TSC22D2: variants seen among roughly 807,000 people sequenced by gnomAD.
TSC22D2 encodes the protein TSC22 domain family member 2.
TSC22D2 carries 5 observed loss-of-function variants against 50.1 expected under a neutral mutation model. The observed-to-expected ratio is 0.10, with a 90% confidence interval of 0.05 to 0.21. TSC22D2 has a LOEUF of 0.21. TSC22D2 is among the 10% of genes least tolerant of loss of function. The probability of loss-of-function intolerance (pLI) is 1.00; values close to 1 mark genes in which losing one functional copy is unlikely to be tolerated. For missense variants in TSC22D2, 1,003 were observed against 1,015.5 expected (o/e 0.99, Z 0.17); for synonymous variants, 501 against 450.1 (o/e 1.11, Z -1.43).
intron 1 of TSC22D2, 95 bp downstream of exon 1, chr3:150,411,403 C>CTAA (rs775199057): frequency 1.2e-5 from 16 of 1,322,414 alleles, no homozygotes; most frequent in Non-Finnish European, 1.6e-5. Flanking sequence ...AACGGAGGCC[C>CTAA]TTAGCATTTT....
rs1719446815 is a variant in TSC22D2 at position 150,409,862 on chromosome 3, G to A, written c.512G>A (p.Ser171Asn). The A allele has an allele frequency of 6.2e-7, 1 of 1,611,040 alleles. No homozygotes were observed. Among genetic ancestry groups the A allele is most frequent in the East Asian group, 2.2e-5 (1 of 44,870 alleles). Residue 171 changes from serine to asparagine, a missense_variant, in exon 1 of 3, where the codon AGC (serine) becomes AAC (asparagine). By Grantham distance (46) the Ser-to-Asn change is conservative. Transcript: ENST00000688009. This position sits in a 1 kb window ranked among gnomAD's most constrained non-coding sequence, Gnocchi z 7.4. Reference sequence around the variant, plus strand: ...CGCGTGATCAAGCTGGACCACGGGAGCGGAGAGCCCTATAGACGCGGCCGA... The same window carrying A: ...CGCGTGATCAAGCTGGACCACGGGAACGGAGAGCCCTATAGACGCGGCCGA... The part of the protein sequence containing the change: ...RFRVIKLDHG[S>N]GEPYRRGRWT...
intron 1 of TSC22D2, chr3:150,422,978 C>A: frequency 8.8e-7 from 1 of 1,132,258 alleles, no homozygotes; most frequent in Non-Finnish European, 1.3e-6. Flanking sequence ...AATCTTCCAT[C>A]TTCTTTTGAA....
At chr3:150,416,411 T>C (rs999395845) in intron 1 of TSC22D2, among the ~76,000 whole-genome samples, 5 of 152,138 alleles carry the variant, frequency 3.3e-5, no homozygotes, top group African/African-American at 9.7e-5. Flanking sequence ...GAAATATTAA[T>C]CATATTTAAG....
intron 1 of TSC22D2, among the ~76,000 whole-genome samples, chr3:150,440,224 G>A (rs1161261185): frequency 6.6e-6 from 1 of 152,048 alleles, no homozygotes; most frequent in Non-Finnish European, 1.5e-5. Flanking sequence ...AAATTTGAAG[G>A]ATAAGATAAA....
intron 1 of TSC22D2, among the ~76,000 whole-genome samples, chr3:150,422,172 A>C (rs965055518): frequency 6.6e-6 from 1 of 152,238 alleles, no homozygotes; most frequent in Non-Finnish European, 1.5e-5. Flanking sequence ...TGGGCTAAGA[A>C]TTTTAAAAGT....
At chr3:150,435,260 C>T (rs961205805) in intron 1 of TSC22D2, among the ~76,000 whole-genome samples, 8 of 152,088 alleles carry the variant, frequency 5.3e-5, no homozygotes, top group Admixed American at 2.0e-4. Flanking sequence ...TGATTACAGG[C>T]GTGAGCCACT....
rs1048565480 is a variant in TSC22D2, at chr3:150,410,587, G to T, written c.1237G>T (p.Val413Leu). 3 of 1,556,936 alleles carry T rather than the reference G, an allele frequency of 1.9e-6. No individual in the cohort carries two copies. In the Admixed American group the frequency reaches 5.8e-5, roughly 30 times the overall value. ...ASPATAATLP[V>L]GTGQNASSVG... ...CCCCGCCACGGCGGCCACCCTTCCC[G>T]TGGGCACCGGCCAGAATGCTTCCTC... Residue 413 changes from valine to leucine, a missense_variant, in exon 1 of 3, where the codon GTG becomes TTG. Val to Leu is a conservative substitution (Grantham distance 32). Coordinates refer to ENST00000688009, the MANE Select transcript of TSC22D2 (RefSeq NM_001303264.2).
Position 150,408,677 on chromosome 3 carries a change from T to G in TSC22D2, c.-674T>G, listed in dbSNP as rs1719347283. 1 of 152,736 alleles carries G rather than the reference T, an allele frequency of 6.5e-6. No homozygotes were observed. The highest frequency in any genetic ancestry group is 2.0e-4 in the South Asian group (1 of 4,910). The allele number at this position is 152,736 out of a possible 1,614,324, so 9.5% of individuals were successfully genotyped here. A position where few individuals can be genotyped will look rare whatever the true frequency, so the allele number is the denominator to read the frequency against. On this transcript the variant is annotated 5_prime_UTR_variant, in exon 1 of 3. Transcript: ENST00000688009. The stretch of plus-strand genomic sequence containing the variant: ...CCGCCTGAGGCAGTCGACATGTCCC[T>G]GGGGCTGAGCTCCGGCTAGAGCCGG...
intron 1 of TSC22D2, among the ~76,000 whole-genome samples, chr3:150,454,465 A>G (rs1421173116): frequency 2.6e-5 from 4 of 152,246 alleles, no homozygotes; most frequent in African/African-American, 9.6e-5. Flanking sequence ...TTCCTCCTAT[A>G]ACTTTCATTT....
At chr3:150,458,232 A>C in intron 2 of TSC22D2, 144 bp from the exon 3 acceptor site, 1 of 854,278 alleles carries the variant, frequency 1.2e-6, no homozygotes. Context: ...CCCATCTTCC[A>C]TAGGCTCGGT....
chr3:150,439,349 T>G (rs991747414), intron 1 of TSC22D2, among the ~76,000 whole-genome samples: 1 of 152,324 alleles, frequency 6.6e-6, no homozygotes, highest in Non-Finnish European at 1.5e-5. Flanking sequence ...ATATTCTAAA[T>G]TGTTTCTGAT....
Position 150,465,428 on chromosome 3 carries a change from G to GA in TSC22D2, c.*6797dup, listed in dbSNP as rs1721520400. ...CAAATCAAAAGCTGGAAAGGGTGTG[G>GA]AAAAACAGGAATACATTGCTAGTGA... On this transcript the variant is annotated 3_prime_UTR_variant, in exon 3 of 3. Coordinates refer to ENST00000688009, the MANE Select transcript of TSC22D2 (RefSeq NM_001303264.2). 1.3e-5 allele frequency: 2 copies of GA among 152,146 alleles called. No homozygotes were observed. The highest frequency in any genetic ancestry group is 4.1e-4 in the South Asian group (2 of 4,826). 9.4% of individuals were successfully genotyped at this position (152,146 alleles called of 1,614,324 possible).
At position 150,463,239 on chromosome 3, in the gene TSC22D2, A is replaced by G. The variant is rs1034158362; in HGVS notation, c.*4603A>G. The G allele has an allele frequency of 6.6e-6, 1 of 152,240 alleles. No individual in the cohort carries two copies. Among genetic ancestry groups the G allele is most frequent in the African/African-American group, 2.4e-5 (1 of 41,434 alleles). 9.4% of individuals were successfully genotyped at this position (152,240 alleles called of 1,614,324 possible). On this transcript the variant is annotated 3_prime_UTR_variant, in exon 3 of 3. Transcript: ENST00000688009. The stretch of plus-strand genomic sequence containing the variant: ...TTCCTTGCTCCCTGGAAAGGATAAT[A>G]CAGGTTCTGGCCCCCACTGTAGGTA...
chr3:150,424,726 C>T (rs1021716204), intron 1 of TSC22D2, among the ~76,000 whole-genome samples: 1 of 152,078 alleles, frequency 6.6e-6, no homozygotes, highest in Non-Finnish European at 1.5e-5. Flanking sequence ...CTCCTTGGAG[C>T]CTGTTGTTCA....
At position 150,409,611 on chromosome 3, in the gene TSC22D2, C is replaced by T. The variant is rs2108052172; in HGVS notation, c.261C>T (p.Asn87=). The change falls in exon 1 of 3, where the codon AAC becomes AAT. Residue 87 remains asparagine, a synonymous_variant. Transcript: ENST00000688009. This position sits in a 1 kb window ranked among gnomAD's most constrained non-coding sequence, Gnocchi z 7.4. ...DAETPGTVSP[N]LLLDGQLAAA... The stretch of plus-strand genomic sequence containing the variant: ...AGACTCCCGGGACCGTCTCCCCAAA[C>T]CTCCTCCTAGATGGGCAGCTGGCAG... 6.2e-7 allele frequency: 1 copy of T among 1,608,148 alleles called. No individual in the cohort carries two copies. Among genetic ancestry groups the T allele is most frequent in the Non-Finnish European group, 8.5e-7 (1 of 1,176,256 alleles).
chr3:150,450,736 T>A (rs1721013440), intron 1 of TSC22D2, among the ~76,000 whole-genome samples: 1 of 152,132 alleles, frequency 6.6e-6, no homozygotes, highest in African/African-American at 2.4e-5. Flanking sequence ...TTTTTAAAAT[T>A]ATATTTAACC....
At chr3:150,417,644 T>TGC in intron 1 of TSC22D2, among the ~76,000 whole-genome samples, 1 of 152,224 alleles carries the variant, frequency 6.6e-6, no homozygotes, top group South Asian at 2.1e-4. Flanking sequence ...TTTAAGGAAT[T>TGC]AAATGATGTG....
rs752930826 is a variant in TSC22D2, at chr3:150,458,582, A to ACAGCCTCCG, written c.2223_2231dup (p.Pro742_Pro744dup). ...CTTCTCAACAGCAAGCAGTGATAGC[A>ACAGCCTCCG]CAGCCTCCGCAGCCAACGCAACCTC... On this transcript the variant is annotated inframe_insertion, in exon 3 of 3. Coordinates refer to ENST00000688009, the MANE Select transcript of TSC22D2 (RefSeq NM_001303264.2). 6.2e-7 allele frequency: 1 copy of ACAGCCTCCG among 1,614,196 alleles called. No individual in the cohort carries two copies. The highest frequency in any genetic ancestry group is 1.3e-5 in the African/African-American group (1 of 75,058).
intron 2 of TSC22D2, 72 bp from the exon 3 acceptor site, chr3:150,458,304 A>T: frequency 6.7e-7 from 1 of 1,488,120 alleles, no homozygotes; most frequent in South Asian, 1.3e-5. Flanking sequence ...CTTAGCACCA[A>T]GTAGGCCAGA....
Sources: allele counts gnomAD v4.1 joint callset (sites outside exome capture counted in the v4.1 genomes callset), GRCh38; gene constraint gnomAD v4.1.1; non-coding constraint Gnocchi (gnomAD v3.1); transcripts MANE v1.5; gene names NCBI Gene and HGNC (gene_info 2026-07-23, HGNC 2026-07-21).